TMEM131L: variants seen among roughly 807,000 people sequenced by gnomAD.
TMEM131L encodes the protein transmembrane 131 like, also known as transmembrane protein 131-like.
A neutral mutation model predicts 192.2 loss-of-function variants in TMEM131L; 54 were observed. That is an observed-to-expected ratio of 0.28 (90% CI 0.23 to 0.35). The LOEUF (loss-of-function observed/expected upper bound fraction) is 0.35, where lower values mean the gene tolerates loss of function less well. TMEM131L is among the 10% of genes least tolerant of loss of function. The probability of loss-of-function intolerance (pLI) is 1.00; values close to 1 mark genes in which losing one functional copy is unlikely to be tolerated. For missense variants in TMEM131L, 1,888 were observed against 1,972.9 expected, an observed-to-expected ratio of 0.96 and a Z score of 0.82; for synonymous variants, 701 against 704.9, an observed-to-expected ratio of 0.99 and a Z score of 0.09.
At chr4:153,607,962 A>G in intron 25 of TMEM131L, among the ~76,000 whole-genome samples, 1 of 152,130 alleles carries the variant, frequency 6.6e-6, no homozygotes, top group East Asian at 1.9e-4. Flanking sequence ...TAGTAGCCAA[A>G]TGTAGCCAGG....
intron 7 of TMEM131L, among the ~76,000 whole-genome samples, chr4:153,561,337 A>G (rs1368050060): frequency 1.3e-5 from 2 of 151,916 alleles, no homozygotes; most frequent in African/African-American, 4.8e-5. Flanking sequence ...TTGTCTTTTC[A>G]TTTTCTTGAT....
At chr4:153,596,430 C>T (rs1731446640) in intron 20 of TMEM131L, 45 bp downstream of exon 20, 1 of 1,603,864 alleles carries the variant, frequency 6.2e-7, no homozygotes, top group Non-Finnish European at 8.5e-7. Flanking sequence ...CTCAATGACT[C>T]ATCTGTGTAA....
intron 22 of TMEM131L, 63 bp downstream of exon 22, chr4:153,602,401 A>G: frequency 1.3e-6 from 2 of 1,559,560 alleles, no homozygotes; most frequent in African/African-American, 1.4e-5. Context: ...GAGGAGGAAA[A>G]CTTTTTCTAT....
intron 16 of TMEM131L, among the ~76,000 whole-genome samples, chr4:153,589,672 T>G (rs542493731): frequency 6.6e-6 from 1 of 152,334 alleles, no homozygotes; most frequent in African/African-American, 2.4e-5. Context: ...CACACAGTAT[T>G]TTATTGACAT....
At chr4:153,627,467 A>G (rs1733927321) in intron 30 of TMEM131L, 138 bp from the exon 31 acceptor site, 1 of 617,506 alleles carries the variant, frequency 1.6e-6, no homozygotes, top group Non-Finnish European at 2.9e-6. Flanking sequence ...CATCCTTTAT[A>G]TCTGTATGTT....
intron 3 of TMEM131L, among the ~76,000 whole-genome samples, chr4:153,487,810 A>G (rs1417482920): frequency 1.3e-5 from 2 of 150,144 alleles, no homozygotes; most frequent in East Asian, 4.0e-4. Flanking sequence ...AGCCAGGGAC[A>G]AGGAGAGAGA....
intron 18 of TMEM131L, among the ~76,000 whole-genome samples, chr4:153,593,404 G>A (rs976705873): frequency 6.6e-6 from 1 of 152,148 alleles, no homozygotes; most frequent in Non-Finnish European, 1.5e-5. Flanking sequence ...CTCCCCAGCT[G>A]TGACAACCAA....
At position 153,473,801 on chromosome 4, in the gene TMEM131L, C is replaced by T. The variant is rs184501574; in HGVS notation, c.196-44C>T. 2,699 of 1,506,584 alleles carry T rather than the reference C, an allele frequency of 1.8e-3. 3 individuals carry two copies. Among genetic ancestry groups the T allele is most frequent in the Non-Finnish European group, 2.0e-3 (2,266 of 1,114,402 alleles). 93.3% of individuals were successfully genotyped at this position (1,506,584 alleles called of 1,614,324 possible). A position where few individuals can be genotyped will look rare whatever the true frequency, so the allele number is the denominator to read the frequency against. On this transcript the variant is annotated intron_variant, in intron 2 of 34. Coordinates refer to ENST00000409959, the MANE Select transcript of TMEM131L (RefSeq NM_001131007.2). ...AGCGAGACTCTGTCTCAAAAACAAA[C>T]GAACAAACAGAAACAACGGTTAACA...
chr4:153,490,379 T>G (rs529364869), intron 3 of TMEM131L, among the ~76,000 whole-genome samples: 137 of 152,272 alleles, frequency 9.0e-4, no homozygotes, highest in Non-Finnish European at 1.7e-3. Context: ...CTGGGGTAAT[T>G]TGAGGTTGAA....
intron 3 of TMEM131L, among the ~76,000 whole-genome samples, chr4:153,484,890 C>T (rs1383705905): frequency 2.7e-5 from 4 of 146,136 alleles, no homozygotes; most frequent in Admixed American, 6.8e-5. Context: ...GAGGCCGAGG[C>T]GGGCGGATCA....
intron 7 of TMEM131L, among the ~76,000 whole-genome samples, chr4:153,569,859 A>T (rs1030737799): frequency 1.3e-5 from 2 of 152,190 alleles, no homozygotes; most frequent in African/African-American, 4.8e-5. Context: ...ACCCTCTTCT[A>T]TTATGAAACT....
chr4:153,562,289 G>A (rs906562096), intron 7 of TMEM131L, among the ~76,000 whole-genome samples: 3 of 152,058 alleles, frequency 2.0e-5, no homozygotes, highest in Non-Finnish European at 4.4e-5. Flanking sequence ...GCCCACCTCG[G>A]CCTCCTAAAG....
At chr4:153,591,368 T>C (rs546463325) in intron 17 of TMEM131L, among the ~76,000 whole-genome samples, 174 bp downstream of exon 17, 2 of 151,972 alleles carry the variant, frequency 1.3e-5, no homozygotes, top group East Asian at 1.9e-4. Context: ...AGGAAACAAA[T>C]AGACTTTGAA....
intron 2 of TMEM131L, among the ~76,000 whole-genome samples, chr4:153,467,969 ATGT>A (rs1015665469): frequency 6.6e-6 from 1 of 152,182 alleles, no homozygotes; most frequent in Admixed American, 6.5e-5. Context: ...TTTAAATATA[ATGT>A]TGTTGACTGC....
chr4:153,566,137 CTTT>C (rs774119161), intron 7 of TMEM131L, among the ~76,000 whole-genome samples: 3 of 142,800 alleles, frequency 2.1e-5, no homozygotes, highest in African/African-American at 2.6e-5. Context: ...ATGTGGGAAA[CTTT>C]TTTTTTTTTT....
chr4:153,538,873 G>A (rs1736545430), intron 3 of TMEM131L, among the ~76,000 whole-genome samples: 1 of 152,218 alleles, frequency 6.6e-6, no homozygotes, highest in African/African-American at 2.4e-5. Context: ...CGTGGGACAA[G>A]GTGGAGACGT....
chr4:153,471,011 G>C (rs1731120866), intron 2 of TMEM131L, among the ~76,000 whole-genome samples: 1 of 145,814 alleles, frequency 6.9e-6, no homozygotes, highest in South Asian at 2.1e-4. Context: ...TTTTGAGACT[G>C]AGTGTTGCTC....
intron 3 of TMEM131L, among the ~76,000 whole-genome samples, chr4:153,514,904 C>T (rs908952895): frequency 2.6e-5 from 4 of 152,068 alleles, no homozygotes; most frequent in African/African-American, 9.7e-5. Context: ...CTTCCGCCTC[C>T]TGGGTTCAAG....
At chr4:153,493,182 T>TA (rs1442234357) in intron 3 of TMEM131L, among the ~76,000 whole-genome samples, 8 of 149,640 alleles carry the variant, frequency 5.3e-5, no homozygotes, top group African/African-American at 1.7e-4. Flanking sequence ...CCATCTCTAC[T>TA]AAAAATACAA....
Sources: allele counts gnomAD v4.1 joint callset (sites outside exome capture counted in the v4.1 genomes callset), GRCh38; gene constraint gnomAD v4.1.1; transcripts MANE v1.5; gene names NCBI Gene and HGNC (gene_info 2026-07-23, HGNC 2026-07-21).